PRDM6: variants seen among roughly 807,000 people sequenced by gnomAD.
PRDM6 encodes the protein putative histone-lysine N-methyltransferase PRDM6.
Under a neutral mutation model 60.8 loss-of-function variants are expected in PRDM6, and 25 were observed. That is an observed-to-expected ratio of 0.41 (90% CI 0.30 to 0.57). PRDM6 has a LOEUF of 0.57. Ranked by LOEUF, PRDM6 falls within the 20% of genes least tolerant of loss-of-function variation. PRDM6 has a pLI of 0.27. For synonymous variants in PRDM6, 407 were observed against 357.4 expected (o/e 1.14, Z -1.57); for missense variants, 839 against 821.3 (o/e 1.02, Z -0.26).
chr5:123,156,038 A>G lies in PRDM6; in HGVS notation c.1028+27A>G, dbSNP rs1039858556. On this transcript the variant is annotated intron_variant, in intron 4 of 7. Transcript: ENST00000407847. ...TAAAGTATATCTTGATTTACCACCT[A>G]CAGAGCTGAAGCCATTTGGCTTGCA... 3.9e-6 allele frequency: 6 copies of G among 1,541,890 alleles called. No individual in the cohort carries two copies. The Admixed American group carries it at 8.1e-5, about 21-fold the overall frequency.
intron 4 of PRDM6, 89 bp from the exon 5 acceptor site, chr5:123,159,425 C>T: frequency 2.8e-6 from 4 of 1,432,056 alleles, no homozygotes; most frequent in African/African-American, 1.4e-5. Context: ...GATGGAGCTG[C>T]GTAGAACTTT....
intron 3 of PRDM6, among the ~76,000 whole-genome samples, chr5:123,153,837 A>T (rs1421926191): frequency 6.6e-6 from 1 of 152,200 alleles, no homozygotes. Context: ...AGAGGATTTT[A>T]CTTGCTGTTG....
chr5:123,150,627 T>G (rs1397001053), intron 3 of PRDM6, among the ~76,000 whole-genome samples: 2 of 152,182 alleles, frequency 1.3e-5, no homozygotes, highest in African/African-American at 4.8e-5. Context: ...CTTAAATTTC[T>G]AATACACTTG....
chr5:123,142,599 G>A (rs949847015), intron 3 of PRDM6, among the ~76,000 whole-genome samples: 4 of 152,078 alleles, frequency 2.6e-5, no homozygotes, highest in Non-Finnish European at 5.9e-5. Flanking sequence ...AAAGCTGACA[G>A]GGAATGCTTT....
At chr5:123,126,064 T>A (rs1764687291) in intron 3 of PRDM6, among the ~76,000 whole-genome samples, 1 of 152,204 alleles carries the variant, frequency 6.6e-6, no homozygotes, top group South Asian at 2.1e-4. Flanking sequence ...GGATGAACAG[T>A]TACTGCTTTA....
chr5:123,181,625 A>G (rs1013904569), intron 7 of PRDM6, among the ~76,000 whole-genome samples: 5 of 152,298 alleles, frequency 3.3e-5, no homozygotes, highest in Admixed American at 1.3e-4. Flanking sequence ...TTAAAAGAGC[A>G]TAGAGTTACC....
intron 6 of PRDM6, among the ~76,000 whole-genome samples, chr5:123,176,620 G>T (rs1168976325): frequency 6.6e-6 from 1 of 152,096 alleles, no homozygotes; most frequent in Non-Finnish European, 1.5e-5. Flanking sequence ...CTGAGAGGTG[G>T]AAGGATCACT....
In PRDM6 at chr5:123,130,226, C is replaced by T. The variant is rs556705377; in HGVS notation, c.901-25658C>T. On this transcript the variant is annotated intron_variant, in intron 3 of 7. Coordinates refer to ENST00000407847, the MANE Select transcript of PRDM6 (RefSeq NM_001136239.4). ...CCCTTCCCTTTTCCCTTCCCTTCCT[C>T]TCCCCTCCCCTTCCCTTCCTCTCCC... Among the ~76,000 whole-genome samples the T allele has an allele frequency of 4.5e-3, 375 of 82,954 alleles. 1 individual carries two copies. Among genetic ancestry groups the T allele is most frequent in the Non-Finnish European group, 6.7e-3 (266 of 39,478 alleles). 54.4% of individuals were successfully genotyped at this position (82,954 alleles called of 152,430 possible). A position where few individuals can be genotyped will look rare whatever the true frequency, so the allele number is the denominator to read the frequency against.
At chr5:123,154,331 A>G (rs1365007795) in intron 3 of PRDM6, among the ~76,000 whole-genome samples, 1 of 152,192 alleles carries the variant, frequency 6.6e-6, no homozygotes, top group Non-Finnish European at 1.5e-5. Context: ...TTAAATAAAT[A>G]TAATCCAAGA....
chr5:123,170,826 A>G lies in PRDM6; in HGVS notation c.1214A>G (p.Asn405Ser), dbSNP rs1180126254. Residue 405 changes from asparagine (N) to serine (S), a missense_variant, in exon 6 of 8, where the codon AAC becomes AGC. Transcript: ENST00000407847. ...MCRQDALQPF[N>S]KSSKLAPTTQ... is the part of the protein sequence containing the mutation. ...AGACAAGACGCCCTGCAGCCCTTCA[A>G]CAAAAGCAGCAAACTCGCCCCTACC... 1 of 1,552,202 alleles carries G rather than the reference A, an allele frequency of 6.4e-7. No individual in the cohort carries two copies. The highest frequency in any genetic ancestry group is 8.7e-7 in the Non-Finnish European group (1 of 1,147,102).
chr5:123,094,315 C>T (rs1763909966), intron 2 of PRDM6, among the ~76,000 whole-genome samples: 1 of 152,156 alleles, frequency 6.6e-6, no homozygotes, highest in Non-Finnish European at 1.5e-5. Context: ...AACCGAGGAA[C>T]ATCCACTGCG....
At chr5:123,161,413 A>T (rs1432119140) in intron 5 of PRDM6, among the ~76,000 whole-genome samples, 2 of 152,164 alleles carry the variant, frequency 1.3e-5, no homozygotes, top group African/African-American at 4.8e-5. Flanking sequence ...TCAGATGGTG[A>T]TAAGTGTTGT....
intron 2 of PRDM6, among the ~76,000 whole-genome samples, chr5:123,093,233 C>G (rs1350289621): frequency 6.6e-6 from 1 of 152,084 alleles, no homozygotes; most frequent in Non-Finnish European, 1.5e-5. Context: ...GAGTTGTTTT[C>G]TCTTTTTCTC....
At chr5:123,111,438 T>C (rs337136) in intron 3 of PRDM6, among the ~76,000 whole-genome samples, 124,523 of 152,166 alleles carry the variant, frequency 0.82, 51,292 homozygotes, top group Middle Eastern at 0.9. Flanking sequence ...GTGGCTCACG[T>C]CTGTAATCCC....
intron 5 of PRDM6, 104 bp from the exon 6 acceptor site, chr5:123,170,662 A>T: frequency 1.1e-6 from 1 of 877,460 alleles, no homozygotes; most frequent in Non-Finnish European, 1.7e-6. Flanking sequence ...CAGAAACACA[A>T]ATTCTTAAAA....
At chr5:123,167,741 C>T (rs552305809) in intron 5 of PRDM6, among the ~76,000 whole-genome samples, 1 of 152,310 alleles carries the variant, frequency 6.6e-6, no homozygotes, top group East Asian at 1.9e-4. Flanking sequence ...CTATCATCTA[C>T]ACTTAGAGTA....
chr5:123,123,845 C>T (rs1385092415), intron 3 of PRDM6, among the ~76,000 whole-genome samples: 1 of 152,070 alleles, frequency 6.6e-6, no homozygotes, highest in Non-Finnish European at 1.5e-5. Context: ...GTTCTATGGG[C>T]TCTCGTTAGA....
In PRDM6 at chr5:123,100,537, T is replaced by G. The variant is rs78915831; in HGVS notation, c.900+576T>G. Among the ~76,000 whole-genome samples, 708 of 152,268 alleles carry G rather than the reference T, an allele frequency of 4.6e-3. 6 individuals carry two copies. Among genetic ancestry groups the G allele is most frequent in the African/African-American group, 0.016 (672 of 41,536 alleles). On this transcript the variant is annotated intron_variant, in intron 3 of 7. Coordinates refer to ENST00000407847, the MANE Select transcript of PRDM6 (RefSeq NM_001136239.4). Reference sequence around the variant, plus strand: ...TTCAAAGGGCCCAAAGTAAGCAAATTATATTGGGAATCAAAGGGCCCAAAT... The same window carrying G: ...TTCAAAGGGCCCAAAGTAAGCAAATGATATTGGGAATCAAAGGGCCCAAAT...
intron 3 of PRDM6, among the ~76,000 whole-genome samples, chr5:123,105,283 A>G (rs1176270376): frequency 6.6e-6 from 1 of 152,224 alleles, no homozygotes; most frequent in Non-Finnish European, 1.5e-5. Context: ...AAAGTAAGGT[A>G]TAAAAAGAGA....
Sources: gnomAD v4.1 joint callset for allele counts (sites outside exome capture counted in the v4.1 genomes callset) on GRCh38, gnomAD v4.1.1 for gene constraint, MANE v1.5 for transcripts, NCBI Gene and HGNC (gene_info 2026-07-23, HGNC 2026-07-21) for gene names.